The following CSNK2A1 variants were observed in gnomAD, a reference collection of about 807,000 sequenced individuals.
CSNK2A1 encodes casein kinase 2 alpha 1, also known as casein kinase II subunit alpha.
In CSNK2A1, 10 loss-of-function variants were observed where a neutral mutation model predicts 62.9. That is an observed-to-expected ratio of 0.16 (90% CI 0.10 to 0.27). The LOEUF (loss-of-function observed/expected upper bound fraction) is 0.27. Ranked by LOEUF, CSNK2A1 falls within the 10% of genes least tolerant of loss-of-function variation. The pLI is 1.00. For missense variants in CSNK2A1, 160 were observed against 492.0 expected (o/e 0.33, Z 6.38); for synonymous variants, 124 against 167.8 (o/e 0.74, Z 2.02).
chr20:528,571 G>A (rs531143696), intron 1 of CSNK2A1, among the ~76,000 whole-genome samples: 37 of 151,828 alleles, frequency 2.4e-4, no homozygotes, highest in African/African-American at 9.0e-4. Flanking sequence ...ATACACTACT[G>A]TCCCCTGCTA....
intron 13 of CSNK2A1, among the ~76,000 whole-genome samples, chr20:484,980 T>C (rs1350494059): frequency 1.5e-5 from 2 of 137,784 alleles, no homozygotes; most frequent in East Asian, 4.7e-4. Context: ...GGTGGGAGAA[T>C]CGCTTGAACC....
chr20:541,416 A>G (rs1207308668), intron 1 of CSNK2A1, among the ~76,000 whole-genome samples: 1 of 152,206 alleles, frequency 6.6e-6, no homozygotes, highest in Non-Finnish European at 1.5e-5. Context: ...CTCACTTCCT[A>G]AAGAAAATCA....
At chr20:542,104 G>T (rs2019462667) in intron 1 of CSNK2A1, among the ~76,000 whole-genome samples, 1 of 152,180 alleles carries the variant, frequency 6.6e-6, no homozygotes, top group African/African-American at 2.4e-5. Context: ...ATTTTACTTA[G>T]AACAGAAGAG....
intron 2 of CSNK2A1, among the ~76,000 whole-genome samples, chr20:516,626 G>T (rs1256277053): frequency 1.3e-5 from 2 of 152,076 alleles, no homozygotes; most frequent in Non-Finnish European, 2.9e-5. Flanking sequence ...ATGTTCAGTT[G>T]TTATTTTTCA....
intron 8 of CSNK2A1, chr20:492,568 T>C (rs1035333445): frequency 7.0e-6 from 4 of 572,488 alleles, no homozygotes; most frequent in African/African-American, 3.8e-5. Flanking sequence ...GAAGACACAA[T>C]CTCACCTGTG....
rs2017973631 is a variant in CSNK2A1, at chr20:482,494, C to T, written c.*1467G>A. 2.0e-5 allele frequency: 3 copies of T among 152,210 alleles called. No homozygotes were observed. The highest frequency in any genetic ancestry group is 6.5e-5 in the Admixed American group (1 of 15,278). The allele number at this position is 152,210 out of a possible 1,614,324, so 9.4% of individuals were successfully genotyped here. A position where few individuals can be genotyped will look rare whatever the true frequency, so the allele number is the denominator to read the frequency against. ...CAAAATGAGTTTTATGGCAAAGGAT[C>T]CTTAATCCCCAGAGACGCTTTGGCT... On this transcript the variant is annotated 3_prime_UTR_variant, in exon 14 of 14. Transcript: ENST00000217244.
Position 478,765 on chromosome 20 carries a change from C to CAAAAA in CSNK2A1, c.*5191_*5195dup, listed in dbSNP as rs750062577. On this transcript the variant is annotated 3_prime_UTR_variant, in exon 14 of 14. Transcript: ENST00000217244. ...CAACACGGCAAAACTTCATCTCTAC[C>CAAAAA]AAAAAAAAAAAAAAAAAAATTAGCC... is the stretch of plus-strand genomic sequence containing the variant. 8.5e-5 allele frequency: 15 copies of CAAAAA among 175,834 alleles called. No individual in the cohort carries two copies. Among genetic ancestry groups the CAAAAA allele is most frequent in the African/African-American group, 3.1e-4 (10 of 31,822 alleles). 10.9% of individuals were successfully genotyped at this position (175,834 alleles called of 1,614,324 possible).
At chr20:518,173 G>C (rs953936034) in intron 2 of CSNK2A1, among the ~76,000 whole-genome samples, 1 of 152,336 alleles carries the variant, frequency 6.6e-6, no homozygotes. Context: ...ATAGCCAAAA[G>C]GGAATAGAAA....
chr20:508,136 A>G, intron 3 of CSNK2A1: 1 of 207,798 alleles, frequency 4.8e-6, no homozygotes, highest in Non-Finnish European at 9.6e-6. Context: ...ATCTTATGGA[A>G]CCACTGTCCT....
intron 1 of CSNK2A1, among the ~76,000 whole-genome samples, chr20:530,490 T>G (rs2019190912): frequency 6.9e-6 from 1 of 144,708 alleles, no homozygotes. Flanking sequence ...TTTTTTAGAG[T>G]CAGGACCTTG....
chr20:473,557 C>G lies in CSNK2A1; in HGVS notation c.*10404G>C, dbSNP rs1370189616. The G allele has an allele frequency of 6.6e-6, 1 of 152,220 alleles. No homozygotes were observed. Among genetic ancestry groups the G allele is most frequent in the Admixed American group, 6.5e-5 (1 of 15,270 alleles). The allele number at this position is 152,220 out of a possible 1,614,324, so 9.4% of individuals were successfully genotyped here. A position where few individuals can be genotyped will look rare whatever the true frequency, so the allele number is the denominator to read the frequency against. On this transcript the variant is annotated 3_prime_UTR_variant, in exon 14 of 14. Transcript: ENST00000217244. ...TCCGGTAGGGGATACAGGGAAGGGT[C>G]TGGGTGGAGCACTGTGATCCTTTCA...
At chr20:529,950 A>G (rs1047131774) in intron 1 of CSNK2A1, among the ~76,000 whole-genome samples, 1 of 152,180 alleles carries the variant, frequency 6.6e-6, no homozygotes, top group African/African-American at 2.4e-5. Flanking sequence ...CTCTGTGTGT[A>G]TATCTCCTAT....
At chr20:522,338 A>C (rs2018969236) in intron 2 of CSNK2A1, among the ~76,000 whole-genome samples, 2 of 152,270 alleles carry the variant, frequency 1.3e-5, no homozygotes, top group Admixed American at 1.3e-4. Flanking sequence ...ACTAGTGTTA[A>C]GTCACTTTGA....
chr20:538,052 G>A (rs900504782), intron 1 of CSNK2A1, among the ~76,000 whole-genome samples: 4 of 149,418 alleles, frequency 2.7e-5, no homozygotes, highest in East Asian at 2.0e-4. Context: ...ACCAACCTCC[G>A]TCTCCCAGGT....
At chr20:510,720 G>A (rs553993154) in intron 2 of CSNK2A1, among the ~76,000 whole-genome samples, 1 of 152,084 alleles carries the variant, frequency 6.6e-6, no homozygotes, top group South Asian at 2.1e-4. Flanking sequence ...ACTTTTTGTT[G>A]AAATCTTCTT....
chr20:503,817 C>G, intron 4 of CSNK2A1: 1 of 397,206 alleles, frequency 2.5e-6, no homozygotes, highest in Non-Finnish European at 4.4e-6. Context: ...TATATAAGAA[C>G]AAATTTAACT....
chr20:491,315 T>C (rs2018231279), intron 9 of CSNK2A1, among the ~76,000 whole-genome samples: 1 of 152,202 alleles, frequency 6.6e-6, no homozygotes, highest in Non-Finnish European at 1.5e-5. Context: ...CCTTTTTATT[T>C]AGTATACAAT....
intron 1 of CSNK2A1, chr20:539,216 A>C (rs1285548444): frequency 2.0e-5 from 3 of 152,226 alleles, no homozygotes; most frequent in Non-Finnish European, 4.4e-5. Context: ...AGTGGGCTTG[A>C]CTGGGTCTCA....
intron 2 of CSNK2A1, among the ~76,000 whole-genome samples, chr20:515,983 ATT>A (rs2018821322): frequency 6.6e-6 from 1 of 152,108 alleles, no homozygotes; most frequent in Non-Finnish European, 1.5e-5. Context: ...TACAACTAGG[ATT>A]TGTCTTTTTC....
Sources: allele counts gnomAD v4.1 joint callset (sites outside exome capture counted in the v4.1 genomes callset), GRCh38; gene constraint gnomAD v4.1.1; transcripts MANE v1.5; gene names NCBI Gene and HGNC (gene_info 2026-07-23, HGNC 2026-07-21).